Variants in PSG5 observed in about 807,000 individuals in gnomAD.
PSG5 encodes the protein pregnancy specific beta-1-glycoprotein 5.
PSG5 carries 53 observed loss-of-function variants against 37.7 expected under a neutral mutation model. The ratio of observed to expected loss-of-function variants is 1.41; its 90% CI spans 1.13 to 1.77. The LOEUF is 1.77. PSG5 is among the 40% of genes most tolerant of loss of function. The pLI is 0.00. For missense variants in PSG5, 547 were observed against 405.2 expected (o/e 1.35, Z -3.00); for synonymous variants, 221 against 155.4 (o/e 1.42, Z -3.14).
intron 4 of PSG5, chr19:43,171,099 T>C (rs564547777): frequency 6.6e-6 from 1 of 151,696 alleles, no homozygotes; most frequent in Non-Finnish European, 1.5e-5. Flanking sequence ...CCCTGTCAGG[T>C]AGAAATTATT....
Position 43,171,611 on chromosome 19 carries a change from A to G in PSG5, c.965-1473T>C, listed in dbSNP as rs577916860. 4.8e-3 allele frequency: 2,491 copies of G among 517,800 alleles called. 34 individuals are homozygous for G. The highest frequency in any genetic ancestry group is 0.022 in the Middle Eastern group (36 of 1,662). 32.1% of individuals were successfully genotyped at this position (517,800 alleles called of 1,614,324 possible). On this transcript the variant is annotated intron_variant, in intron 4 of 5. Transcript: ENST00000342951. ...GATTCTTCAAAATAAAATCAACAAA[A>G]TTGACAACCATTAACTAGATTGACT...
At position 43,184,906 on chromosome 19, in the gene PSG5, A is replaced by G. The variant is rs1377989436; in HGVS notation, c.306T>C (p.Tyr102=). ...TCTGGATCAGCAGGGATGCATTGGA[A>G]TATACTGTTTCTCGTCCAGTGTATG... is the stretch of plus-strand genomic sequence containing the variant. ...GPAYTGRETV[Y]SNASLLIQNV... is the part of the protein sequence containing the mutation. Residue 102 remains tyrosine, a synonymous_variant, in exon 2 of 6, where the codon TAT becomes TAC. Transcript: ENST00000342951. 1.9e-6 allele frequency: 3 copies of G among 1,612,454 alleles called. No individual in the cohort carries two copies. The highest frequency in any genetic ancestry group is 2.5e-6 in the Non-Finnish European group (3 of 1,179,170).
chr19:43,185,207 G>C, intron 1 of PSG5, 60 bp from the exon 2 acceptor site: 1 of 1,518,006 alleles, frequency 6.6e-7, no homozygotes, highest in Non-Finnish European at 8.9e-7. Context: ...TGAAAAGATG[G>C]AGCCCTGGGT....
At chr19:43,175,003 TAGGCCAGACACA>T (rs1441422662) in intron 4 of PSG5, 200 bp downstream of exon 4, 1 of 1,442,818 alleles carries the variant, frequency 6.9e-7, no homozygotes, top group Non-Finnish European at 9.2e-7. Flanking sequence ...CTAACTTTCT[TAGGCCAGACACA>T]AGGTCAGCCA....
chr19:43,179,378 T>C (rs1248132033), intron 2 of PSG5, among the ~76,000 whole-genome samples: 1 of 151,442 alleles, frequency 6.6e-6, no homozygotes, highest in Non-Finnish European at 1.5e-5. Context: ...TTCTCAAGTG[T>C]GAATTGAGCA....
At chr19:43,178,269 G>C (rs778573484) in intron 2 of PSG5, among the ~76,000 whole-genome samples, 3 of 151,566 alleles carry the variant, frequency 2.0e-5, no homozygotes, top group Non-Finnish European at 4.4e-5. Context: ...TTCCATCAGT[G>C]GCTGAGTTAT....
Position 43,175,986 on chromosome 19 carries a change from T to C in PSG5, c.593A>G (p.Glu198Gly), listed in dbSNP as rs1239852230. ...PVSPRVKRPI[E>G]NRILILPSVT... Reference sequence around the variant, plus strand: ...ACTGGGTAGAATGAGGATCCTGTTTTCAATGGGTCGCTTTACCCTGGGACT... The same window carrying C: ...ACTGGGTAGAATGAGGATCCTGTTTCCAATGGGTCGCTTTACCCTGGGACT... The change falls in exon 3 of 6, where the codon GAA (glutamate) becomes GGA (glycine). Residue 198 changes from glutamate to glycine, a missense_variant. Physicochemically the swap from Glu to Gly is moderately conservative, Grantham distance 98 (BLOSUM62 -2). Transcript: ENST00000342951. 3 of 1,611,656 alleles carry C rather than the reference T, an allele frequency of 1.9e-6. No homozygotes were observed. The highest frequency in any genetic ancestry group is 2.5e-6 in the Non-Finnish European group (3 of 1,179,220).
rs752847822 is a variant in PSG5 at position 43,185,004 on chromosome 19, C to T, written c.208G>A (p.Gly70Arg). Residue 70 changes from glycine (G) to arginine (R), a missense_variant, in exon 2 of 6, where the codon GGA becomes AGA. Coordinates refer to ENST00000342951, the MANE Select transcript of PSG5 (RefSeq NM_002781.4). ...TAATGGTAGAGGTCCATCAGTTGTCCTTTGTACCAGATGTAGCCAGCAAGA... is the reference window on the plus strand; with the variant it reads ...TAATGGTAGAGGTCCATCAGTTGTCTTTTGTACCAGATGTAGCCAGCAAGA... Reference protein sequence around the residue: ...QNLAGYIWYKGQLMDLYHYIT... With the variant: ...QNLAGYIWYKRQLMDLYHYIT... The T allele has an allele frequency of 6.2e-7, 1 of 1,612,558 alleles. No homozygotes were observed. Among genetic ancestry groups the T allele is most frequent in the Non-Finnish European group, 8.5e-7 (1 of 1,179,184 alleles).
chr19:43,184,590 G>A (rs181995898), intron 2 of PSG5, among the ~76,000 whole-genome samples, 192 bp downstream of exon 2: 6,972 of 151,542 alleles, frequency 0.046, 357 homozygotes, highest in Non-Finnish European at 0.063. Context: ...GCAGGGTCTG[G>A]ATGCGGGAAA....
chr19:43,186,240 T>A, intron 1 of PSG5, 102 bp downstream of exon 1: 3 of 1,571,156 alleles, frequency 1.9e-6, no homozygotes, highest in Non-Finnish European at 2.6e-6. Flanking sequence ...CCTCCCAAAG[T>A]GCTGGCTTCT....
At chr19:43,186,222 C>T in intron 1 of PSG5, 120 bp downstream of exon 1, 1 of 1,522,404 alleles carries the variant, frequency 6.6e-7, no homozygotes, top group Non-Finnish European at 9.0e-7. Flanking sequence ...ATAATCCACC[C>T]ACCTCATCCT....
intron 4 of PSG5, chr19:43,170,592 T>C: frequency 3.2e-6 from 1 of 312,768 alleles, no homozygotes. Flanking sequence ...AGAAAGCTTC[T>C]TTCCCACAGG....
intron 4 of PSG5, among the ~76,000 whole-genome samples, chr19:43,172,068 T>C (rs556109330): frequency 2.0e-5 from 3 of 150,812 alleles, no homozygotes; most frequent in East Asian, 3.9e-4. Context: ...GAAAGTACTA[T>C]AAATAATTTT....
Position 43,175,517 on chromosome 19 carries a change from G to A in PSG5, c.710-48C>T, listed in dbSNP as rs546676000. The A allele has an allele frequency of 3.2e-6, 5 of 1,566,028 alleles. No homozygotes were observed. The South Asian group carries it at 3.7e-5, about 12-fold the overall frequency. Reference sequence around the variant, plus strand: ...ACAGGTGATGTCATCCAAGGGAAGGGGATGCTCCTGGTCTCTTAAAGGGAC... The same window carrying A: ...ACAGGTGATGTCATCCAAGGGAAGGAGATGCTCCTGGTCTCTTAAAGGGAC... On this transcript the variant is annotated intron_variant, in intron 3 of 5. Transcript: ENST00000342951.
At chr19:43,174,012 A>G in intron 4 of PSG5, 1 of 151,804 alleles carries the variant, frequency 6.6e-6, no homozygotes, top group Admixed American at 6.6e-5. Context: ...TGTATCTACA[A>G]TTAAAATGTT....
chr19:43,176,528 A>C lies in PSG5; in HGVS notation c.431-380T>G, dbSNP rs576053653. Among the ~76,000 whole-genome samples, 38 of 151,406 alleles carry C rather than the reference A, an allele frequency of 2.5e-4. 1 individual carries two copies. The highest frequency in any genetic ancestry group is 8.8e-4 in the African/African-American group (36 of 41,104). ...CTGGGCCCCTTCCAAATTCCATCCT[A>C]CTTTGTCCCCCTATATGTGATTTCT... On this transcript the variant is annotated intron_variant, in intron 2 of 5. Coordinates refer to ENST00000342951, the MANE Select transcript of PSG5 (RefSeq NM_002781.4).
At chr19:43,169,617 G>T (rs1012569412) in intron 5 of PSG5, among the ~76,000 whole-genome samples, 1 of 151,652 alleles carries the variant, frequency 6.6e-6, no homozygotes, top group Non-Finnish European at 1.5e-5. Flanking sequence ...GACCCCTGCA[G>T]ATTCTTGATT....
rs376276637 is a variant in PSG5 at position 43,175,315 on chromosome 19, G to T, written c.864C>A (p.Ile288=). ...KFQQSGQKLS[I]PQITTKHRGL... ...CTCTATGCTTTGTAGTAATTTGGGG[G>T]ATAGAGAGCTTTTGTCCTGATTGCT... is the stretch of plus-strand genomic sequence containing the variant. Residue 288 remains isoleucine (I), a synonymous_variant, in exon 4 of 6, where the codon ATC becomes ATA. Coordinates refer to ENST00000342951, the MANE Select transcript of PSG5 (RefSeq NM_002781.4). 5 of 1,612,694 alleles carry T rather than the reference G, an allele frequency of 3.1e-6. No homozygotes were observed. Among genetic ancestry groups the T allele is most frequent in the Non-Finnish European group, 3.4e-6 (4 of 1,179,242 alleles).
At chr19:43,178,825 G>A in intron 2 of PSG5, 1 of 1,611,700 alleles carries the variant, frequency 6.2e-7, no homozygotes. Context: ...CTGGCCTCTG[G>A]CCATGTGTAT....
Sources: allele counts gnomAD v4.1 joint callset (sites outside exome capture counted in the v4.1 genomes callset), GRCh38; gene constraint gnomAD v4.1.1; transcripts MANE v1.5; gene names NCBI Gene and HGNC (gene_info 2026-07-23, HGNC 2026-07-21).